SPAG16: variants seen among roughly 807,000 people sequenced by gnomAD.
SPAG16 encodes sperm associated antigen 16, also known as sperm-associated antigen 16 protein.
A neutral mutation model predicts 80.4 loss-of-function variants in SPAG16; 86 were observed. That is an observed-to-expected ratio of 1.07 (90% confidence interval 0.90 to 1.28). The LOEUF (loss-of-function observed/expected upper bound fraction) is 1.28. Among genes scored for constraint, SPAG16 ranks in the 50% most tolerant of loss-of-function variants. The pLI, the probability that SPAG16 is intolerant of heterozygous loss-of-function variation, is 0.00. For synonymous variants in SPAG16, 294 were observed against 265.9 expected, an observed-to-expected ratio of 1.11 and a Z score of -1.03; for missense variants, 870 against 765.3, an observed-to-expected ratio of 1.14 and a Z score of -1.61.
chr2:213,941,437 G>GAC (rs1188590469), intron 12 of SPAG16, among the ~76,000 whole-genome samples: 1 of 151,678 alleles, frequency 6.6e-6, no homozygotes. Flanking sequence ...TATATTAATT[G>GAC]ACACACACAC....
chr2:213,758,962 G>C (rs1354214901), intron 10 of SPAG16, among the ~76,000 whole-genome samples: 1 of 152,214 alleles, frequency 6.6e-6, no homozygotes, highest in Admixed American at 6.5e-5. Flanking sequence ...AAGATTATCA[G>C]TATATTTCTC....
intron 10 of SPAG16, among the ~76,000 whole-genome samples, chr2:213,508,856 A>G (rs1161974555): frequency 2.0e-5 from 3 of 152,064 alleles, no homozygotes; most frequent in Admixed American, 6.5e-5. Flanking sequence ...AACATGGCAC[A>G]TGTATACATA....
At chr2:213,736,958 G>C (rs987019344) in intron 10 of SPAG16, among the ~76,000 whole-genome samples, 1 of 151,716 alleles carries the variant, frequency 6.6e-6, no homozygotes, top group Non-Finnish European at 1.5e-5. Context: ...TGCCCACCTC[G>C]GCCCCCCAAA....
intron 15 of SPAG16, among the ~76,000 whole-genome samples, chr2:214,354,336 C>A (rs1318563381): frequency 2.0e-5 from 3 of 152,010 alleles, no homozygotes; most frequent in African/African-American, 7.2e-5. Flanking sequence ...TCTGAGGGCT[C>A]TGTTCTGTTC....
intron 15 of SPAG16, among the ~76,000 whole-genome samples, chr2:214,176,189 G>A (rs1173154842): frequency 6.6e-6 from 1 of 150,866 alleles, no homozygotes; most frequent in Non-Finnish European, 1.5e-5. Flanking sequence ...ACCATTTCCT[G>A]ACAAATAACT....
At chr2:214,012,184 C>G (rs1397200232) in intron 12 of SPAG16, among the ~76,000 whole-genome samples, 1 of 137,146 alleles carries the variant, frequency 7.3e-6, no homozygotes, top group Non-Finnish European at 1.5e-5. Flanking sequence ...CACAGAGGAA[C>G]TAATCAAAGA....
At chr2:213,703,627 C>G (rs1200515754) in intron 10 of SPAG16, among the ~76,000 whole-genome samples, 1 of 152,178 alleles carries the variant, frequency 6.6e-6, no homozygotes, top group African/African-American at 2.4e-5. Flanking sequence ...GCTCCCCTTT[C>G]AAGAAAAGAC....
intron 7 of SPAG16, among the ~76,000 whole-genome samples, chr2:213,361,553 T>G (rs535047273): frequency 1.3e-5 from 2 of 151,608 alleles, no homozygotes; most frequent in Non-Finnish European, 2.9e-5. Context: ...CAGGGTTCTT[T>G]GGAGAAGTGT....
At chr2:213,935,764 G>A (rs2106268319) in intron 12 of SPAG16, among the ~76,000 whole-genome samples, 1 of 152,272 alleles carries the variant, frequency 6.6e-6, no homozygotes, top group East Asian at 1.9e-4. Flanking sequence ...AATAAAAACA[G>A]TACCTTCCAC....
intron 12 of SPAG16, among the ~76,000 whole-genome samples, chr2:213,945,292 T>C (rs2079395314): frequency 6.8e-6 from 1 of 146,576 alleles, no homozygotes; most frequent in Non-Finnish European, 1.5e-5. Flanking sequence ...AACACACACA[T>C]ATATATACAC....
intron 10 of SPAG16, among the ~76,000 whole-genome samples, chr2:213,699,116 C>T (rs1384074792): frequency 6.6e-6 from 1 of 152,074 alleles, no homozygotes; most frequent in African/African-American, 2.4e-5. Flanking sequence ...TGTTCACAGC[C>T]CACCATTGCC....
intron 12 of SPAG16, among the ~76,000 whole-genome samples, chr2:213,930,827 T>C (rs149773414): frequency 1.3e-5 from 2 of 152,330 alleles, no homozygotes; most frequent in Admixed American, 6.5e-5. Context: ...TACTATCAAA[T>C]ATGCTAATTC....
intron 10 of SPAG16, among the ~76,000 whole-genome samples, chr2:213,714,197 A>G (rs1203540426): frequency 6.6e-6 from 1 of 152,194 alleles, no homozygotes; most frequent in Non-Finnish European, 1.5e-5. Flanking sequence ...AGTAGGTACA[A>G]ACAACTCGAG....
At chr2:213,576,414 G>A (rs566120942) in intron 10 of SPAG16, among the ~76,000 whole-genome samples, 20 of 152,134 alleles carry the variant, frequency 1.3e-4, no homozygotes, top group African/African-American at 4.8e-4. Context: ...AGACAGTGTG[G>A]CAACTCCTTA....
chr2:214,197,750 C>G (rs1285195316), intron 15 of SPAG16, among the ~76,000 whole-genome samples: 2 of 151,784 alleles, frequency 1.3e-5, no homozygotes, highest in Non-Finnish European at 2.9e-5. Flanking sequence ...TATGTGATAG[C>G]TATGTGTGGT....
intron 10 of SPAG16, among the ~76,000 whole-genome samples, chr2:213,710,032 G>A (rs2065915244): frequency 6.6e-6 from 1 of 152,146 alleles, no homozygotes; most frequent in Admixed American, 6.5e-5. Flanking sequence ...ACTTTAGAAG[G>A]CCGAGGTGGG....
intron 10 of SPAG16, among the ~76,000 whole-genome samples, chr2:213,684,995 G>C (rs1405821615): frequency 6.6e-6 from 1 of 152,212 alleles, no homozygotes; most frequent in Non-Finnish European, 1.5e-5. Context: ...AGCAGATCAA[G>C]GAAGTCCTCT....
At chr2:213,521,329 A>G (rs777637618) in intron 10 of SPAG16, among the ~76,000 whole-genome samples, 5 of 152,058 alleles carry the variant, frequency 3.3e-5, no homozygotes, top group Non-Finnish European at 7.4e-5. Flanking sequence ...GCTCTTGCCA[A>G]TTTTTGCCTA....
intron 10 of SPAG16, among the ~76,000 whole-genome samples, chr2:213,667,779 G>A (rs1028574589): frequency 6.6e-6 from 1 of 152,088 alleles, no homozygotes; most frequent in African/African-American, 2.4e-5. Flanking sequence ...CACATACATA[G>A]ACATGAGAAG....
Sources: allele counts gnomAD v4.1 joint callset (sites outside exome capture counted in the v4.1 genomes callset), GRCh38; gene constraint gnomAD v4.1.1; transcripts MANE v1.5; gene names NCBI Gene and HGNC (gene_info 2026-07-23, HGNC 2026-07-21).